WDR12: variants seen among roughly 807,000 people sequenced by gnomAD.
WDR12 encodes ribosome biogenesis protein WDR12.
A neutral mutation model predicts 64.3 loss-of-function variants in WDR12; 42 were observed. That is an observed-to-expected ratio of 0.65 (90% CI 0.51 to 0.84). The LOEUF is 0.84. WDR12 is among the 40% of genes least tolerant of loss of function. WDR12 has a pLI of 0.00. For missense variants in WDR12, 469 were observed against 494.6 expected (o/e 0.95, Z 0.49); for synonymous variants, 158 against 173.3 (o/e 0.91, Z 0.70).
At chr2:202,904,048 G>C (rs777218406) in intron 2 of WDR12, among the ~76,000 whole-genome samples, 17 of 139,354 alleles carry the variant, frequency 1.2e-4, no homozygotes, top group Non-Finnish European at 1.7e-4. Context: ...TGAGGCAGGA[G>C]AATCGCTTGA....
chr2:202,902,646 C>G (rs1361675592), intron 2 of WDR12, among the ~76,000 whole-genome samples: 1 of 150,612 alleles, frequency 6.6e-6, no homozygotes, highest in African/African-American at 2.4e-5. Context: ...CAGTGGTTTG[C>G]CAGGGATTCT....
At chr2:202,904,138 C>CA (rs34378996) in intron 2 of WDR12, among the ~76,000 whole-genome samples, 416 of 38,518 alleles carry the variant, frequency 0.011, 31 homozygotes, top group South Asian at 0.039. Context: ...AACTCTGTCT[C>CA]AAAAAAAAAA....
chr2:202,904,623 A>G (rs1688421771), intron 2 of WDR12, among the ~76,000 whole-genome samples: 1 of 152,210 alleles, frequency 6.6e-6, no homozygotes, highest in South Asian at 2.1e-4. Context: ...CCATATGCAA[A>G]AAAAATGAAA....
At chr2:202,883,234 C>T (rs772131286) in intron 11 of WDR12, among the ~76,000 whole-genome samples, 13 of 152,108 alleles carry the variant, frequency 8.5e-5, no homozygotes, top group African/African-American at 1.7e-4. Context: ...CTCCTGGGTT[C>T]GAGCGATTCT....
intron 1 of WDR12, among the ~76,000 whole-genome samples, chr2:202,909,220 C>T (rs1688519938): frequency 6.6e-6 from 1 of 152,188 alleles, no homozygotes; most frequent in Non-Finnish European, 1.5e-5. Context: ...CATACATCCA[C>T]ACGAAAACTT....
chr2:202,887,908 A>AAAAG (rs1559159437), intron 8 of WDR12, among the ~76,000 whole-genome samples: 1 of 151,602 alleles, frequency 6.6e-6, no homozygotes, highest in Non-Finnish European at 1.5e-5. Context: ...AAAAAAAAAA[A>AAAAG]AAAAAGAAAA....
At chr2:202,882,549 C>T (rs961434739) in intron 12 of WDR12, among the ~76,000 whole-genome samples, 162 bp downstream of exon 12, 2 of 152,068 alleles carry the variant, frequency 1.3e-5, no homozygotes, top group Admixed American at 6.6e-5. Context: ...AGGATGGCCT[C>T]GATCTCCTGA....
At chr2:202,898,925 AAG>A (rs756093030) in intron 4 of WDR12, among the ~76,000 whole-genome samples, 2 of 150,212 alleles carry the variant, frequency 1.3e-5, no homozygotes, top group African/African-American at 2.5e-5. Flanking sequence ...CAGCCTGGGC[AAG>A]AGAGAGAGAC....
chr2:202,887,643 C>G (rs182590311), intron 8 of WDR12, among the ~76,000 whole-genome samples: 1 of 150,886 alleles, frequency 6.6e-6, no homozygotes, highest in Non-Finnish European at 1.5e-5. Context: ...AATCCCAGCA[C>G]TTTGGGAGGC....
At chr2:202,888,249 C>T (rs1553540848) in intron 8 of WDR12, among the ~76,000 whole-genome samples, 1 of 152,162 alleles carries the variant, frequency 6.6e-6, no homozygotes, top group Non-Finnish European at 1.5e-5. Context: ...ATATGACATT[C>T]TGGAAAAATT....
chr2:202,911,538 GC>G lies in WDR12; in HGVS notation c.-63del. 1 of 1,507,426 alleles carries G rather than the reference GC, an allele frequency of 6.6e-7. No homozygotes were observed. The highest frequency in any genetic ancestry group is 9.2e-7 in the Non-Finnish European group (1 of 1,082,840). 93.4% of individuals were successfully genotyped at this position (1,507,426 alleles called of 1,614,324 possible). Reference sequence around the variant, plus strand: ...CGGGTTAGCAGACCCACAACACGAAGCTCCTGCCTTTTAAGACTACAAAGAG... The same window carrying G: ...CGGGTTAGCAGACCCACAACACGAAGTCCTGCCTTTTAAGACTACAAAGAG... On this transcript the variant is annotated 5_prime_UTR_variant, in exon 1 of 13. Transcript: ENST00000261015.
rs1688665392 is a variant in WDR12, at chr2:202,911,665, C to G, written c.-189G>C. The G allele has an allele frequency of 1.6e-6, 1 of 609,612 alleles. No homozygotes were observed. The allele number at this position is 609,612 out of a possible 1,614,324, so 37.8% of individuals were successfully genotyped here. A position where few individuals can be genotyped will look rare whatever the true frequency, so the allele number is the denominator to read the frequency against. Reference sequence around the variant, plus strand: ...CTCCTCTGCAGAAAGCACGAGGTTGCCCTTCTACAGACGCCCAGACCACAA... The same window carrying G: ...CTCCTCTGCAGAAAGCACGAGGTTGGCCTTCTACAGACGCCCAGACCACAA... On this transcript the variant is annotated 5_prime_UTR_variant, in exon 1 of 13. Transcript: ENST00000261015.
In WDR12 at chr2:202,883,663, T is replaced by C; in HGVS notation, c.1067A>G (p.Gln356Arg). Residue 356 changes from glutamine to arginine, a missense_variant, in exon 11 of 13, where the codon CAG (glutamine) becomes CGG (arginine). Physicochemically the swap from Gln to Arg is conservative, Grantham distance 43. Transcript: ENST00000261015. ...ATCTAAAGATCCTGAAATCAGCTGC[T>C]GTTCATGGGTAGGAGACCATTTTAC... Reference protein sequence around the residue: ...TSVKWSPTHEQQLISGSLDNI... With the variant: ...TSVKWSPTHERQLISGSLDNI... The C allele has an allele frequency of 6.2e-7, 1 of 1,614,184 alleles. No individual in the cohort carries two copies. Among genetic ancestry groups the C allele is most frequent in the East Asian group, 2.2e-5 (1 of 44,890 alleles).
intron 2 of WDR12, 149 bp from the exon 3 acceptor site, chr2:202,901,268 C>T (rs1439442295): frequency 1.2e-5 from 6 of 483,656 alleles, no homozygotes; most frequent in Non-Finnish European, 2.1e-5. Flanking sequence ...ATACTTTGTT[C>T]TGTTAGTATA....
intron 8 of WDR12, among the ~76,000 whole-genome samples, chr2:202,888,282 T>G (rs1054729409): frequency 1.3e-5 from 2 of 152,152 alleles, no homozygotes; most frequent in Non-Finnish European, 2.9e-5. Context: ...AACAGAGTAG[T>G]GGTTTTCAGA....
rs1214776559 is a variant in WDR12 at position 202,884,457 on chromosome 2, C to T, written c.820G>A (p.Ala274Thr). 16 of 1,614,220 alleles carry T rather than the reference C, an allele frequency of 9.9e-6. No individual in the cohort carries two copies. The highest frequency in any genetic ancestry group is 1.3e-5 in the Non-Finnish European group (15 of 1,180,040). ...ACTCTAATTGTATGGTCCCAAGATG[C>T]ACTGCAGATTTCTTCAGCATCTGAC... ...LWSDAEEICS[A>T]SWDHTIRVWD... The change falls in exon 9 of 13, where the codon GCA becomes ACA. Residue 274 changes from alanine (A) to threonine (T), a missense_variant. Physicochemically the swap from Ala to Thr is moderately conservative, Grantham distance 58 (BLOSUM62 0). Transcript: ENST00000261015.
intron 8 of WDR12, among the ~76,000 whole-genome samples, chr2:202,891,680 A>C (rs1688159200): frequency 6.6e-6 from 1 of 152,212 alleles, no homozygotes; most frequent in African/African-American, 2.4e-5. Flanking sequence ...TGACTATAAG[A>C]ATTAATGTGC....
intron 6 of WDR12, 85 bp from the exon 7 acceptor site, chr2:202,894,711 G>A: frequency 8.8e-7 from 1 of 1,134,954 alleles, no homozygotes; most frequent in Non-Finnish European, 1.2e-6. Context: ...TCCTCATTCA[G>A]GACCTTTTCA....
rs999261678 is a variant in WDR12, at chr2:202,874,300, T to C, written c.*6560A>G. On this transcript the variant is annotated 3_prime_UTR_variant, in exon 13 of 13. Coordinates refer to ENST00000261015, the MANE Select transcript of WDR12 (RefSeq NM_018256.4). ...TAGAAGTACATTTACTGAACTGTTA[T>C]TTAACTTTCTATCCTTTCTATCAAC... Among the ~76,000 whole-genome samples, 3 of 152,220 alleles carry C rather than the reference T, an allele frequency of 2.0e-5. No individual in the cohort carries two copies. Among genetic ancestry groups the C allele is most frequent in the African/African-American group, 4.8e-5 (2 of 41,458 alleles).
Sources: gnomAD v4.1 joint callset for allele counts (sites outside exome capture counted in the v4.1 genomes callset) on GRCh38, gnomAD v4.1.1 for gene constraint, MANE v1.5 for transcripts, NCBI Gene and HGNC (gene_info 2026-07-23, HGNC 2026-07-21) for gene names.